Variants in ANK2 observed in about 807,000 individuals in gnomAD.
ANK2 encodes the protein ankyrin 2.
ANK2 carries 83 observed loss-of-function variants against 360.5 expected under a neutral mutation model. The ratio of observed to expected loss-of-function variants is 0.23; its 90% CI spans 0.19 to 0.28. The LOEUF is 0.28. Ranked by LOEUF, ANK2 falls within the 10% of genes least tolerant of loss-of-function variation. The probability of loss-of-function intolerance (pLI) is 1.00; values close to 1 mark genes in which losing one functional copy is unlikely to be tolerated. For synonymous variants in ANK2, 1,740 were observed against 1,759.5 expected, an observed-to-expected ratio of 0.99 and a Z score of 0.28; for missense variants, 4,201 against 4,795.7, an observed-to-expected ratio of 0.88 and a Z score of 3.66.
chr4:112,848,263 G>A (rs961560223), intron 1 of ANK2, among the ~76,000 whole-genome samples: 3 of 152,060 alleles, frequency 2.0e-5, no homozygotes, highest in Non-Finnish European at 2.9e-5. Context: ...GGGTTCAAGC[G>A]ATTCTCCTGC....
At position 113,297,765 on chromosome 4, in the gene ANK2, G is replaced by A. The variant is rs1040805284; in HGVS notation, c.2475+4227G>A. On this transcript the variant is annotated intron_variant, in intron 22 of 45. Transcript: ENST00000357077. Reference sequence around the variant, plus strand: ...TAATATGTATATTTATATGATATTTGTATGTTCTGTGTACTTTCCTTTTCT... The same window carrying A: ...TAATATGTATATTTATATGATATTTATATGTTCTGTGTACTTTCCTTTTCT... Among the ~76,000 whole-genome samples the A allele has an allele frequency of 1.4e-4, 21 of 151,786 alleles. 1 individual carries two copies. The highest frequency in any genetic ancestry group is 5.1e-4 in the African/African-American group (21 of 41,296).
At chr4:112,727,638 C>T in the ANK2 span, among the ~76,000 whole-genome samples, 1 of 152,046 alleles carries the variant, frequency 6.6e-6, no homozygotes, top group Non-Finnish European at 1.5e-5. Context: ...CAAATAAAAT[C>T]AGAATGAAAG....
intron 45 of ANK2, among the ~76,000 whole-genome samples, chr4:113,378,798 G>T (rs564322625): frequency 6.6e-6 from 1 of 152,282 alleles, no homozygotes; most frequent in Non-Finnish European, 1.5e-5. Flanking sequence ...ACACTGGTCT[G>T]CCCAGGTCTC....
At chr4:113,329,503 T>G (rs911720572) in intron 26 of ANK2, among the ~76,000 whole-genome samples, 1 of 152,190 alleles carries the variant, frequency 6.6e-6, no homozygotes, top group African/African-American at 2.4e-5. Context: ...ATGATACAGA[T>G]GATACAGATA....
chr4:113,042,484 C>T (rs1223918552), intron 2 of ANK2, among the ~76,000 whole-genome samples: 7 of 152,180 alleles, frequency 4.6e-5, no homozygotes, highest in Admixed American at 4.6e-4. Flanking sequence ...CTGACTAATA[C>T]ACCTCCCAAA....
chr4:112,994,536 T>C (rs1295309072), intron 2 of ANK2, among the ~76,000 whole-genome samples: 1 of 152,236 alleles, frequency 6.6e-6, no homozygotes, highest in Non-Finnish European at 1.5e-5. Flanking sequence ...ATGTAAGTTT[T>C]TATGAGACAA....
At chr4:113,086,901 G>T (rs2085102608) in intron 1 of ANK2, among the ~76,000 whole-genome samples, 1 of 152,138 alleles carries the variant, frequency 6.6e-6, no homozygotes, top group Non-Finnish European at 1.5e-5. Flanking sequence ...CTGGAGCGTA[G>T]GGAGCAAGAA....
At chr4:112,871,331 G>T (rs1048178014) in intron 1 of ANK2, among the ~76,000 whole-genome samples, 2 of 151,966 alleles carry the variant, frequency 1.3e-5, no homozygotes, top group Admixed American at 6.6e-5. Flanking sequence ...GACTATAGGC[G>T]CACGCCGCTA....
At chr4:113,035,845 A>G (rs568389750) in intron 2 of ANK2, among the ~76,000 whole-genome samples, 3 of 152,072 alleles carry the variant, frequency 2.0e-5, no homozygotes, top group African/African-American at 7.2e-5. Flanking sequence ...TATACTGGAT[A>G]TGAGAAATCG....
chr4:112,957,914 A>C (rs993018423), intron 2 of ANK2, among the ~76,000 whole-genome samples: 1 of 150,652 alleles, frequency 6.6e-6, no homozygotes, highest in Non-Finnish European at 1.5e-5. Flanking sequence ...CACCTCCCAG[A>C]CGGGGTCGCG....
At chr4:113,309,900 GTCTT>G (rs1178752693) in intron 23 of ANK2, among the ~76,000 whole-genome samples, 2 of 152,132 alleles carry the variant, frequency 1.3e-5, no homozygotes, top group African/African-American at 4.8e-5. Context: ...TTCTTCAAAT[GTCTT>G]TCTATTTTCT....
At chr4:112,881,468 G>C (rs1230183004) in intron 1 of ANK2, among the ~76,000 whole-genome samples, 1 of 152,172 alleles carries the variant, frequency 6.6e-6, no homozygotes. Flanking sequence ...ATTGTATACT[G>C]TTGTTTAGCT....
chr4:113,360,723 A>G lies in ANK2; in HGVS notation c.10682-100A>G, dbSNP rs991928772. 3.8e-6 allele frequency: 4 copies of G among 1,065,024 alleles called. No individual in the cohort carries two copies. The African/African-American group carries it at 4.7e-5, about 13-fold the overall frequency. The allele number at this position is 1,065,024 out of a possible 1,614,324, so 66.0% of individuals were successfully genotyped here. On this transcript the variant is annotated intron_variant, in intron 38 of 45. Coordinates refer to ENST00000357077, the MANE Select transcript of ANK2 (RefSeq NM_001148.6). ...TGTAGTATCTAGTTTGTGCTTTCAA[A>G]TATTTGGAGAAGTGACTTCCTTTCT... is the stretch of plus-strand genomic sequence containing the variant.
Position 113,288,445 on chromosome 4 carries a change from T to G in ANK2, c.2236T>G (p.Phe746Val). The part of the protein sequence containing the change: ...CHYGNVKMVN[F>V]LLKQGANVNA... Reference sequence around the variant, plus strand: ...CTATGGAAATGTGAAAATGGTCAACTTTCTTCTGAAGCAGGGAGCAAATGT... The same window carrying G: ...CTATGGAAATGTGAAAATGGTCAACGTTCTTCTGAAGCAGGGAGCAAATGT... The change falls in exon 20 of 46, where the codon TTT (phenylalanine) becomes GTT (valine). Residue 746 changes from phenylalanine to valine, a missense_variant. By Grantham distance (50) the Phe-to-Val change is conservative (BLOSUM62 -1). This residue lies in a region of ANK2 where 1,268 missense variants were observed against 1,650.8 expected (regional missense o/e 0.77). Coordinates refer to ENST00000357077, the MANE Select transcript of ANK2 (RefSeq NM_001148.6). The G allele has an allele frequency of 6.2e-7, 1 of 1,614,048 alleles. No homozygotes were observed. The highest frequency in any genetic ancestry group is 8.5e-7 in the Non-Finnish European group (1 of 1,179,942).
intron 2 of ANK2, among the ~76,000 whole-genome samples, chr4:112,948,036 C>T (rs914776133): frequency 2.0e-5 from 3 of 152,208 alleles, no homozygotes; most frequent in South Asian, 2.1e-4. Context: ...TTGTAATATG[C>T]GCTTCCTAAT....
At chr4:112,795,527 G>A in the ANK2 span, among the ~76,000 whole-genome samples, 1 of 152,100 alleles carries the variant, frequency 6.6e-6, no homozygotes, top group Non-Finnish European at 1.5e-5. Flanking sequence ...TTTCCGAGAT[G>A]GAGTCTCGCT....
chr4:113,183,878 G>A (rs995459118), intron 2 of ANK2, among the ~76,000 whole-genome samples: 7 of 151,290 alleles, frequency 4.6e-5, no homozygotes, highest in Non-Finnish European at 1.0e-4. Context: ...ATCTTCAAGG[G>A]ACAAGGAATG....
intron 2 of ANK2, among the ~76,000 whole-genome samples, chr4:112,952,413 G>T (rs2095083744): frequency 6.6e-6 from 1 of 152,160 alleles, no homozygotes; most frequent in African/African-American, 2.4e-5. Flanking sequence ...TCACAATCTT[G>T]CATGAGCAAA....
chr4:112,838,970 A>G (rs764084595), intron 1 of ANK2, among the ~76,000 whole-genome samples: 1 of 152,144 alleles, frequency 6.6e-6, no homozygotes, highest in Non-Finnish European at 1.5e-5. Flanking sequence ...TTAGTCTTCA[A>G]CTTTCCCCTA....
Sources: gnomAD v4.1 joint callset for allele counts (sites outside exome capture counted in the v4.1 genomes callset) on GRCh38, gnomAD v4.1.1 for gene constraint, gnomAD v4.1.1 regional missense constraint, MANE v1.5 for transcripts, NCBI Gene and HGNC (gene_info 2026-07-23, HGNC 2026-07-21) for gene names.